Variants in LRP1B observed in about 807,000 individuals in gnomAD.
The protein encoded by LRP1B is low-density lipoprotein receptor-related protein 1B.
Under a neutral mutation model 556.6 loss-of-function variants are expected in LRP1B, and 217 were observed. The ratio of observed to expected loss-of-function variants is 0.39; its 90% confidence interval spans 0.35 to 0.44. The LOEUF (loss-of-function observed/expected upper bound fraction) is 0.44, where lower values mean the gene tolerates loss of function less well. Among genes scored for constraint, LRP1B ranks in the 20% least tolerant of loss-of-function variants. LRP1B has a pLI of 1.00. For missense variants in LRP1B, 5,053 were observed against 5,620.8 expected (o/e 0.90, Z 3.23); for synonymous variants, 2,047 against 1,865.8 (o/e 1.10, Z -2.50).
chr2:141,009,499 T>A (rs1257263687), intron 14 of LRP1B, among the ~76,000 whole-genome samples: 2 of 151,950 alleles, frequency 1.3e-5, no homozygotes, highest in East Asian at 3.9e-4. Flanking sequence ...TATATTAAGA[T>A]ACTCCTTTGT....
chr2:141,159,556 TGA>T (rs920815551), intron 7 of LRP1B, among the ~76,000 whole-genome samples: 1 of 152,020 alleles, frequency 6.6e-6, no homozygotes, highest in Non-Finnish European at 1.5e-5. Context: ...ATGAGACACA[TGA>T]GAGATCCGAG....
At chr2:141,959,460 C>T (rs1332405450) in intron 1 of LRP1B, among the ~76,000 whole-genome samples, 1 of 151,938 alleles carries the variant, frequency 6.6e-6, no homozygotes, top group Admixed American at 6.6e-5. Context: ...CATTTTCTAA[C>T]ATTTGTGCAC....
intron 2 of LRP1B, among the ~76,000 whole-genome samples, chr2:141,527,413 C>CAA (rs11427907): frequency 2.7e-5 from 4 of 145,540 alleles, no homozygotes; most frequent in South Asian, 4.3e-4. Context: ...AGGCATTTTA[C>CAA]AAAAAAAAAA....
chr2:141,575,101 A>G (rs1321288331), intron 2 of LRP1B, among the ~76,000 whole-genome samples: 3 of 152,328 alleles, frequency 2.0e-5, no homozygotes, highest in East Asian at 3.9e-4. Flanking sequence ...ATTTGGAAAA[A>G]AAAAACTATT....
At chr2:140,570,966 A>C (rs1416614292) in intron 43 of LRP1B, among the ~76,000 whole-genome samples, 3 of 151,846 alleles carry the variant, frequency 2.0e-5, no homozygotes, top group Non-Finnish European at 4.4e-5. Context: ...AAAATTCAAA[A>C]TCCCTTCATT....
intron 2 of LRP1B, among the ~76,000 whole-genome samples, chr2:141,575,430 C>T (rs1473891799): frequency 2.0e-5 from 3 of 152,140 alleles, no homozygotes; most frequent in Non-Finnish European, 2.9e-5. Flanking sequence ...GCAACTGGAC[C>T]CCTTCCTTAC....
At chr2:141,104,197 G>T (rs1574076882) in intron 7 of LRP1B, among the ~76,000 whole-genome samples, 1 of 151,954 alleles carries the variant, frequency 6.6e-6, no homozygotes, top group South Asian at 2.1e-4. Context: ...TGTGGTATTT[G>T]GTTTCCTATT....
At chr2:141,555,762 G>C (rs1685939543) in intron 2 of LRP1B, among the ~76,000 whole-genome samples, 1 of 151,868 alleles carries the variant, frequency 6.6e-6, no homozygotes, top group Non-Finnish European at 1.5e-5. Context: ...TACCTGGTGA[G>C]TGTAGAGCAC....
rs2105198120 is a variant in LRP1B, at chr2:140,601,467, G to A, written c.6972C>T (p.Ala2324=). 2 of 1,611,812 alleles carry A rather than the reference G, an allele frequency of 1.2e-6. No homozygotes were observed. The highest frequency in any genetic ancestry group is 2.2e-5 in the East Asian group (1 of 44,846). The change falls in exon 42 of 91, where the codon GCC becomes GCT. Residue 2324 remains alanine, a synonymous_variant. Coordinates refer to ENST00000389484, the MANE Select transcript of LRP1B (RefSeq NM_018557.3). ...MSEDDHPHVL[A]LDECQNLMFW... ...TTTCTTACTTTTGACATTCATCCAA[G>A]GCTAGCACATGTGGATGGTCATCTT...
chr2:140,624,730 A>G (rs539055592), intron 41 of LRP1B, among the ~76,000 whole-genome samples: 1 of 152,286 alleles, frequency 6.6e-6, no homozygotes, highest in East Asian at 1.9e-4. Flanking sequence ...CATCAGGTCC[A>G]TTGAGTTTAT....
chr2:140,830,620 T>C (rs1559143961), intron 31 of LRP1B, among the ~76,000 whole-genome samples: 1 of 152,098 alleles, frequency 6.6e-6, no homozygotes. Context: ...ATGAAGGCCA[T>C]ATATAATAAA....
rs937899515 is a variant in LRP1B, at chr2:140,442,466, A to C, written c.10414+38T>G. 4 of 1,596,712 alleles carry C rather than the reference A, an allele frequency of 2.5e-6. No individual in the cohort carries two copies. In the African/African-American group the frequency reaches 4.1e-5, roughly 16 times the overall value. ...TGTGGTTGTCGCAGATGATGACTCAAATACGGAGAGATAAGACCCAGAGTC... is the reference window on the plus strand; with the variant it reads ...TGTGGTTGTCGCAGATGATGACTCACATACGGAGAGATAAGACCCAGAGTC... On this transcript the variant is annotated intron_variant, in intron 66 of 90. Coordinates refer to ENST00000389484, the MANE Select transcript of LRP1B (RefSeq NM_018557.3).
At chr2:140,736,419 AG>A (rs1195976294) in intron 35 of LRP1B, among the ~76,000 whole-genome samples, 3 of 152,158 alleles carry the variant, frequency 2.0e-5, no homozygotes, top group Non-Finnish European at 4.4e-5. Context: ...CGCATTGCCA[AG>A]TCAATCCTAA....
At chr2:142,035,992 T>C (rs942402529) in intron 1 of LRP1B, among the ~76,000 whole-genome samples, 2 of 151,688 alleles carry the variant, frequency 1.3e-5, no homozygotes, top group African/African-American at 4.8e-5. Context: ...GTTGCCACCA[T>C]GTAAGAAGTG....
At chr2:141,171,498 T>C (rs1680496219) in intron 7 of LRP1B, among the ~76,000 whole-genome samples, 1 of 152,096 alleles carries the variant, frequency 6.6e-6, no homozygotes, top group African/African-American at 2.4e-5. Context: ...TGATACAAAC[T>C]TAGAGCTGTC....
At chr2:140,266,736 A>C (rs927046188) in intron 86 of LRP1B, among the ~76,000 whole-genome samples, 3 of 152,034 alleles carry the variant, frequency 2.0e-5, no homozygotes, top group Non-Finnish European at 4.4e-5. Context: ...TACTGTGAAC[A>C]TGTCTCTTCA....
At chr2:141,867,515 G>A (rs533584488) in intron 1 of LRP1B, among the ~76,000 whole-genome samples, 1 of 152,210 alleles carries the variant, frequency 6.6e-6, no homozygotes, top group South Asian at 2.1e-4. Flanking sequence ...TTACAAGTCC[G>A]AGAGGACTAG....
chr2:141,590,068 A>G (rs1687280748), intron 2 of LRP1B, among the ~76,000 whole-genome samples: 1 of 152,150 alleles, frequency 6.6e-6, no homozygotes, highest in Non-Finnish European at 1.5e-5. Flanking sequence ...AGGCTTATTC[A>G]TTACAACCTA....
At chr2:140,323,049 TGTGAGAA>T (rs1680237893) in intron 81 of LRP1B, among the ~76,000 whole-genome samples, 2 of 152,032 alleles carry the variant, frequency 1.3e-5, no homozygotes, top group Non-Finnish European at 2.9e-5. Context: ...TTTTATCTGT[TGTGAGAA>T]GTGATTTGAA....
Sources: gnomAD v4.1 joint callset for allele counts (sites outside exome capture counted in the v4.1 genomes callset) on GRCh38, gnomAD v4.1.1 for gene constraint, MANE v1.5 for transcripts, NCBI Gene and HGNC (gene_info 2026-07-23, HGNC 2026-07-21) for gene names.